Variants in TTC7A observed in about 807,000 individuals in gnomAD.
The protein encoded by TTC7A is tetratricopeptide repeat domain 7A.
In TTC7A, 110 loss-of-function variants were observed where a neutral mutation model predicts 103.7. That is an observed-to-expected ratio of 1.06 (90% CI 0.91 to 1.24). TTC7A has a LOEUF of 1.24. Ranked by LOEUF, TTC7A falls within the 50% of genes most tolerant of loss-of-function variation. The pLI, the probability that TTC7A is intolerant of heterozygous loss-of-function variation, is 0.00. For missense variants in TTC7A, 1,340 were observed against 1,116.3 expected (o/e 1.20, Z -2.86); for synonymous variants, 521 against 467.9 (o/e 1.11, Z -1.47).
Position 46,941,382 on chromosome 2 carries a change from C to T in TTC7A, c.-160C>T. ...GCTGCTGGTGCTGCTGCTGCTGCTG[C>T]TGCCCACCCTCCGCCGCCCGGGCCC... On this transcript the variant is annotated 5_prime_UTR_variant, in exon 1 of 20. Transcript: ENST00000319190. The surrounding 1 kb of genome is among the most constrained non-coding windows in gnomAD (Gnocchi z 4.2). 2.0e-6 allele frequency: 1 copy of T among 503,198 alleles called. No homozygotes were observed. Among genetic ancestry groups the T allele is most frequent in the Non-Finnish European group, 2.8e-6 (1 of 354,562 alleles). 31.2% of individuals were successfully genotyped at this position (503,198 alleles called of 1,614,324 possible).
Position 47,023,397 on chromosome 2 carries a change from G to T in TTC7A, c.1511-11G>T, listed in dbSNP as rs780394149. 1 of 1,613,866 alleles carries T rather than the reference G, an allele frequency of 6.2e-7. No homozygotes were observed. Among genetic ancestry groups the T allele is most frequent in the Non-Finnish European group, 8.5e-7 (1 of 1,179,942 alleles). On this transcript the variant is annotated splice_polypyrimidine_tract_variant and intron_variant, in intron 12 of 19. Coordinates refer to ENST00000319190, the MANE Select transcript of TTC7A (RefSeq NM_020458.4). The stretch of plus-strand genomic sequence containing the variant: ...CCCCTGATGGCTCAGTTTCTGTCCT[G>T]TCCCCTGCAGCCACCCTGAAGTCCA...
chr2:47,022,122 T>A, intron 12 of TTC7A, 143 bp downstream of exon 12: 1 of 611,438 alleles, frequency 1.6e-6, no homozygotes, highest in Non-Finnish European at 2.9e-6. Flanking sequence ...GAGATGCCCA[T>A]GTGTGCACAC....
chr2:46,966,535 T>C (rs114180741), intron 3 of TTC7A, among the ~76,000 whole-genome samples: 168 of 152,306 alleles, frequency 1.1e-3, no homozygotes, highest in African/African-American at 3.9e-3. Flanking sequence ...TAGCATTTCA[T>C]TGTAACGTTC....
chr2:46,917,327 A>G (rs1253161204), intron 2 of TTC7A: 6 of 629,794 alleles, frequency 9.5e-6, no homozygotes, highest in South Asian at 7.3e-5. Flanking sequence ...AGGAAACCCT[A>G]TTAATTCAAG....
chr2:47,046,503 C>T (rs2104703238), intron 16 of TTC7A, 72 bp downstream of exon 16: 4 of 1,200,514 alleles, frequency 3.3e-6, no homozygotes, highest in Non-Finnish European at 4.9e-6. Flanking sequence ...GCTGGGTGGC[C>T]ACCATGCCTG....
chr2:46,956,178 C>G (rs1374650487), intron 2 of TTC7A, among the ~76,000 whole-genome samples: 4 of 152,120 alleles, frequency 2.6e-5, no homozygotes, highest in African/African-American at 4.8e-5. Flanking sequence ...GAGATGTAAG[C>G]AACTTTTGAA....
chr2:47,042,503 TA>T (rs11315139), intron 15 of TTC7A, among the ~76,000 whole-genome samples: 93,220 of 149,848 alleles, frequency 0.62, 30,293 homozygotes, highest in African/African-American at 0.83. Context: ...CTTGTCTCTT[TA>T]AAAAAAAAAA....
chr2:46,992,201 T>G (rs143604427), intron 5 of TTC7A, among the ~76,000 whole-genome samples: 27 of 152,308 alleles, frequency 1.8e-4, no homozygotes, highest in African/African-American at 6.5e-4. Context: ...CCTTACACTT[T>G]CCTGAGCATG....
chr2:46,916,045 G>T (rs1183479898), upstream of TTC7A: 4 of 985,338 alleles, frequency 4.1e-6, no homozygotes, highest in Non-Finnish European at 4.8e-6. Flanking sequence ...TAGGGGCCCG[G>T]CAGTTGCTAG....
intron 4 of TTC7A, among the ~76,000 whole-genome samples, chr2:46,977,643 C>G (rs1300661001): frequency 6.6e-6 from 1 of 152,170 alleles, no homozygotes; most frequent in Non-Finnish European, 1.5e-5. Flanking sequence ...AATGAATTAA[C>G]TGATACATAG....
intron 19 of TTC7A, 131 bp from the exon 20 acceptor site, chr2:47,073,571 C>G (rs1382685313): frequency 1.3e-6 from 1 of 768,856 alleles, no homozygotes; most frequent in Non-Finnish European, 2.2e-6. Flanking sequence ...TTAACAGTGC[C>G]CAAGCCAGAG....
chr2:47,022,644 T>C (rs923480134), intron 12 of TTC7A, among the ~76,000 whole-genome samples: 2 of 151,982 alleles, frequency 1.3e-5, no homozygotes, highest in Admixed American at 6.6e-5. Flanking sequence ...AATCAGCCCA[T>C]GCCCACCTCC....
chr2:47,019,363 T>C (rs918136996), intron 11 of TTC7A, among the ~76,000 whole-genome samples: 3 of 151,840 alleles, frequency 2.0e-5, no homozygotes, highest in Non-Finnish European at 4.4e-5. Context: ...TGAGACACCA[T>C]TTTCTATTTT....
Position 46,986,247 on chromosome 2 carries a change from T to C in TTC7A, c.765-7203T>C, listed in dbSNP as rs914200052. 3.3e-5 allele frequency among the ~76,000 whole-genome samples: 5 copies of C among 152,188 alleles called. No homozygotes were observed. In the East Asian group the frequency reaches 9.7e-4, roughly 29 times the overall value. ...ATTCCATCCTGCCCTCCTAGCCTCT[T>C]GGGTTGTTTGGGAAGCAGGGAGAAA... On this transcript the variant is annotated intron_variant, in intron 5 of 19. Coordinates refer to ENST00000319190, the MANE Select transcript of TTC7A (RefSeq NM_020458.4).
Position 46,941,606 on chromosome 2 carries a change from C to G in TTC7A, c.65C>G (p.Ala22Gly), listed in dbSNP as rs1670385537. 6.4e-7 allele frequency: 1 copy of G among 1,556,442 alleles called. No individual in the cohort carries two copies. The change falls in exon 1 of 20, where the codon GCC (alanine) becomes GGC (glycine). Residue 22 changes from alanine to glycine, a missense_variant. Coordinates refer to ENST00000319190, the MANE Select transcript of TTC7A (RefSeq NM_020458.4). The surrounding 1 kb of genome is among the most constrained non-coding windows in gnomAD (Gnocchi z 4.2). ...KVESELERCR[A>G]EGHWDRMPEL... ...GAGAGCGAGCTGGAGCGCTGCCGCG[C>G]CGAGGGCCACTGGGACCGCATGCCG...
At chr2:47,008,048 G>A (rs1460195712) in intron 10 of TTC7A, among the ~76,000 whole-genome samples, 2 of 152,216 alleles carry the variant, frequency 1.3e-5, no homozygotes, top group Admixed American at 1.3e-4. Flanking sequence ...GGTGTTGAAG[G>A]CACCGGTCAG....
At chr2:47,010,204 A>G (rs1018638157) in intron 10 of TTC7A, among the ~76,000 whole-genome samples, 1 of 152,204 alleles carries the variant, frequency 6.6e-6, no homozygotes, top group African/African-American at 2.4e-5. Context: ...GTAAAGGGTC[A>G]GATAGTAGAC....
intron 8 of TTC7A, among the ~76,000 whole-genome samples, chr2:46,997,496 T>C (rs1330896093): frequency 6.6e-6 from 1 of 152,228 alleles, no homozygotes; most frequent in African/African-American, 2.4e-5. Flanking sequence ...TTCAGTCTAA[T>C]ACTGTATGTT....
At chr2:46,923,023 G>C (rs1669185977) in intron 2 of TTC7A, among the ~76,000 whole-genome samples, 1 of 152,222 alleles carries the variant, frequency 6.6e-6, no homozygotes, top group Admixed American at 6.5e-5. Context: ...TAAACAGCCA[G>C]ATGAAGAGAT....
Sources: allele counts gnomAD v4.1 joint callset (sites outside exome capture counted in the v4.1 genomes callset), GRCh38; gene constraint gnomAD v4.1.1; non-coding constraint Gnocchi (gnomAD v3.1); transcripts MANE v1.5; gene names NCBI Gene and HGNC (gene_info 2026-07-23, HGNC 2026-07-21).